Variants in NKAIN3 observed in about 807,000 individuals in gnomAD.
NKAIN3 encodes sodium/potassium-transporting ATPase subunit beta-1-interacting protein 3.
In NKAIN3, 25 loss-of-function variants were observed where a neutral mutation model predicts 30.2. That is an observed-to-expected ratio of 0.83 (90% CI 0.60 to 1.16). The LOEUF (loss-of-function observed/expected upper bound fraction) is 1.16. Among genes scored for constraint, NKAIN3 ranks in the 50% most tolerant of loss-of-function variants. NKAIN3 has a pLI of 0.00. For synonymous variants in NKAIN3, 91 were observed against 89.6 expected (o/e 1.02, Z -0.09); for missense variants, 225 against 254.1 (o/e 0.89, Z 0.78).
chr8:62,567,400 A>C (rs1809791630), intron 1 of NKAIN3, among the ~76,000 whole-genome samples: 1 of 152,176 alleles, frequency 6.6e-6, no homozygotes, highest in East Asian at 1.9e-4. Flanking sequence ...TGGTAGGCAG[A>C]ATATTGGTCC....
At chr8:62,995,130 TTAAATAGCTC>T (rs1804078555) in intron 5 of NKAIN3, among the ~76,000 whole-genome samples, 1 of 152,222 alleles carries the variant, frequency 6.6e-6, no homozygotes, top group Non-Finnish European at 1.5e-5. Flanking sequence ...TGACATAAAA[TTAAATAGCTC>T]TACAGATGCT....
At chr8:62,667,659 C>A (rs762739709) in intron 3 of NKAIN3, among the ~76,000 whole-genome samples, 65 of 152,048 alleles carry the variant, frequency 4.3e-4, no homozygotes, top group Non-Finnish European at 8.7e-4. Flanking sequence ...ATGCTCGCCA[C>A]CCCGCTGGTG....
chr8:62,293,351 T>C (rs898095800), intron 1 of NKAIN3, among the ~76,000 whole-genome samples: 1 of 152,246 alleles, frequency 6.6e-6, no homozygotes, highest in Non-Finnish European at 1.5e-5. Flanking sequence ...CTATGGTTTC[T>C]CTCTGTCTTT....
In NKAIN3 at chr8:62,972,239, A is replaced by G. The variant is rs1224964910; in HGVS notation, c.*6832A>G. Among the ~76,000 whole-genome samples, 1 of 152,120 alleles carries G rather than the reference A, an allele frequency of 6.6e-6. No homozygotes were observed. The highest frequency in any genetic ancestry group is 1.5e-5 in the Non-Finnish European group (1 of 68,020). ...CTTATTTTCTCTCAGTATAAGTTGG[A>G]CCTGTTTTTCCCTTCATCTCTTTTT... On this transcript the variant is annotated 3_prime_UTR_variant, in exon 7 of 7. Transcript: ENST00000623646.
chr8:62,747,954 A>G lies in NKAIN3; in HGVS notation c.471+825A>G, dbSNP rs548406277. On this transcript the variant is annotated intron_variant, in intron 4 of 6. Transcript: ENST00000623646. ...AATAGTAAATAAATAGATAACACAA[A>G]TATGAGTGGTTATGTCAATGAAGAA... is the stretch of plus-strand genomic sequence containing the variant. 1.5e-3 allele frequency among the ~76,000 whole-genome samples: 236 copies of G among 152,290 alleles called. 6 individuals carry two copies. The highest frequency in any genetic ancestry group is 4.4e-5 in the Non-Finnish European group (3 of 68,024).
intron 1 of NKAIN3, among the ~76,000 whole-genome samples, chr8:62,520,697 T>G (rs1288142941): frequency 6.6e-6 from 1 of 152,066 alleles, no homozygotes; most frequent in East Asian, 1.9e-4. Context: ...ATTTGAAGTT[T>G]GGTTTCTCAG....
At chr8:62,900,476 G>C (rs994707354) in intron 4 of NKAIN3, among the ~76,000 whole-genome samples, 1 of 152,172 alleles carries the variant, frequency 6.6e-6, no homozygotes, top group Non-Finnish European at 1.5e-5. Context: ...AAGCAGAGAG[G>C]TTAACATCAT....
intron 4 of NKAIN3, among the ~76,000 whole-genome samples, chr8:62,850,069 C>A (rs1280357694): frequency 6.6e-6 from 1 of 152,062 alleles, no homozygotes. Flanking sequence ...ACAGTCTCAC[C>A]AACAGAGTAA....
rs964771083 is a variant in NKAIN3 at position 62,967,275 on chromosome 8, G to A, written c.*1868G>A. Among the ~76,000 whole-genome samples, 3 of 152,042 alleles carry A rather than the reference G, an allele frequency of 2.0e-5. No individual in the cohort carries two copies. Among genetic ancestry groups the A allele is most frequent in the African/African-American group, 7.2e-5 (3 of 41,394 alleles). On this transcript the variant is annotated 3_prime_UTR_variant, in exon 7 of 7. Transcript: ENST00000623646. ...CAGAGAACATGGGAGCAAAAGTTGGGGTTTGGGTCCCATCCACCACCATGT... is the reference window on the plus strand; with the variant it reads ...CAGAGAACATGGGAGCAAAAGTTGGAGTTTGGGTCCCATCCACCACCATGT...
chr8:62,429,813 TA>T (rs1028215722), intron 1 of NKAIN3, among the ~76,000 whole-genome samples: 6 of 152,042 alleles, frequency 3.9e-5, no homozygotes, highest in South Asian at 2.1e-4. Context: ...ATTTTTTAAT[TA>T]TTTTTTTATT....
intron 5 of NKAIN3, among the ~76,000 whole-genome samples, chr8:62,941,760 C>A (rs1349159081): frequency 6.6e-6 from 1 of 151,966 alleles, no homozygotes; most frequent in African/African-American, 2.4e-5. Context: ...AAGAGACATA[C>A]CTTAAGGTCA....
At chr8:62,964,830 C>A (rs1488245981) in intron 6 of NKAIN3, among the ~76,000 whole-genome samples, 1 of 151,896 alleles carries the variant, frequency 6.6e-6, no homozygotes, top group Non-Finnish European at 1.5e-5. Context: ...AACACCTTTA[C>A]AGCGAGAGGT....
At position 62,553,577 on chromosome 8, in the gene NKAIN3, C is replaced by T. The variant is rs112996196; in HGVS notation, c.55-25962C>T. On this transcript the variant is annotated intron_variant, in intron 1 of 6. Transcript: ENST00000623646. ...TTTGAGACAGAATCTCGCTCTGTCA[C>T]TCAGGCTGGAGTACAGTGGCGCGAT... Among the ~76,000 whole-genome samples, 1,239 of 149,982 alleles carry T rather than the reference C, an allele frequency of 8.3e-3. 16 individuals carry two copies. The highest frequency in any genetic ancestry group is 0.029 in the African/African-American group (1,172 of 40,594).
intron 4 of NKAIN3, among the ~76,000 whole-genome samples, chr8:62,788,563 C>T (rs555105671): frequency 1.3e-5 from 2 of 152,228 alleles, no homozygotes; most frequent in East Asian, 1.9e-4. Flanking sequence ...TCAATTTTGG[C>T]TTTTGTTGCC....
chr8:62,328,953 G>T (rs1187760816), intron 1 of NKAIN3, among the ~76,000 whole-genome samples: 2 of 152,074 alleles, frequency 1.3e-5, no homozygotes, highest in Non-Finnish European at 2.9e-5. Context: ...TTACTTCCAA[G>T]ATAGGTAGTA....
At chr8:62,323,661 T>G (rs979250587) in intron 1 of NKAIN3, among the ~76,000 whole-genome samples, 5 of 151,998 alleles carry the variant, frequency 3.3e-5, no homozygotes, top group Non-Finnish European at 1.5e-5. Flanking sequence ...CCTCTCTCCA[T>G]TTGTCAATGC....
chr8:62,628,933 T>A (rs1403978038), intron 3 of NKAIN3, among the ~76,000 whole-genome samples: 1 of 152,222 alleles, frequency 6.6e-6, no homozygotes, highest in Admixed American at 6.5e-5. Context: ...AATGTAGTCA[T>A]CCTTGATACA....
At chr8:62,743,194 G>A (rs1017619376) in intron 3 of NKAIN3, among the ~76,000 whole-genome samples, 40 of 152,086 alleles carry the variant, frequency 2.6e-4, no homozygotes, top group African/African-American at 9.4e-4. Context: ...CAACAATAAA[G>A]TGATTTGTGT....
chr8:62,895,964 A>G (rs1380500493), intron 4 of NKAIN3, among the ~76,000 whole-genome samples: 1 of 146,354 alleles, frequency 6.8e-6, no homozygotes, highest in Admixed American at 7.0e-5. Flanking sequence ...ATTTATCACC[A>G]TCCTGAAGCC....
Sources: allele counts gnomAD v4.1 joint callset (sites outside exome capture counted in the v4.1 genomes callset), GRCh38; gene constraint gnomAD v4.1.1; transcripts MANE v1.5; gene names NCBI Gene and HGNC (gene_info 2026-07-23, HGNC 2026-07-21).